Variants in ABCD3 observed in about 807,000 individuals in gnomAD.
ABCD3 encodes the protein ATP binding cassette subfamily D member 3.
ABCD3 carries 41 observed loss-of-function variants against 105.5 expected under a neutral mutation model. That is an observed-to-expected ratio of 0.39 (90% CI 0.30 to 0.50). The LOEUF is 0.50. Ranked by LOEUF, ABCD3 falls within the 20% of genes least tolerant of loss-of-function variation. The probability of loss-of-function intolerance (pLI) is 0.84; values close to 1 mark genes in which losing one functional copy is unlikely to be tolerated. For missense variants in ABCD3, 622 were observed against 806.3 expected, an observed-to-expected ratio of 0.77 and a Z score of 2.77; for synonymous variants, 258 against 269.0, an observed-to-expected ratio of 0.96 and a Z score of 0.40.
intron 8 of ABCD3, chr1:94,480,212 A>C: frequency 1.9e-6 from 1 of 521,764 alleles, no homozygotes; most frequent in Non-Finnish European, 3.4e-6. Context: ...TGCAATTAGG[A>C]GTTTTTAGGT....
chr1:94,515,061 G>A, intron 21 of ABCD3, 85 bp from the exon 22 acceptor site: 1 of 1,063,286 alleles, frequency 9.4e-7, no homozygotes. Context: ...ACTGAAGACT[G>A]TCCTCTTAAC....
intron 1 of ABCD3, among the ~76,000 whole-genome samples, chr1:94,438,837 A>T (rs925487521): frequency 6.6e-6 from 1 of 152,208 alleles, no homozygotes; most frequent in African/African-American, 2.4e-5. Flanking sequence ...TATAGTGTAA[A>T]CATAACTTCT....
chr1:94,479,234 A>C lies in ABCD3; in HGVS notation c.684+919A>C, dbSNP rs553778836. ...CTTGTATTTTGTTTTACTATAACCA[A>C]GTGAATAGGCCAAATCCTTCTTGTC... On this transcript the variant is annotated intron_variant, in intron 8 of 22. Coordinates refer to ENST00000370214, the MANE Select transcript of ABCD3 (RefSeq NM_002858.4). Among the ~76,000 whole-genome samples, 6 of 152,264 alleles carry C rather than the reference A, an allele frequency of 3.9e-5. No homozygotes were observed. In the South Asian group the frequency reaches 1.0e-3, roughly 26 times the overall value.
At chr1:94,451,790 C>T (rs1256231429) in intron 1 of ABCD3, among the ~76,000 whole-genome samples, 2 of 152,174 alleles carry the variant, frequency 1.3e-5, no homozygotes, top group East Asian at 3.8e-4. Context: ...CCTCCAGTCA[C>T]CCAGGGTGCA....
the ABCD3 span, among the ~76,000 whole-genome samples, chr1:94,401,992 C>T: frequency 6.6e-6 from 1 of 152,346 alleles, no homozygotes; most frequent in Non-Finnish European, 1.5e-5. Context: ...CATGCACCCA[C>T]TTTCTTTTAT....
intron 21 of ABCD3, among the ~76,000 whole-genome samples, chr1:94,508,752 C>T (rs11485389): frequency 0.017 from 2,628 of 152,120 alleles, 83 homozygotes; most frequent in African/African-American, 0.058. Context: ...CTCTTTGAAG[C>T]AATTGTGAAT....
At chr1:94,467,873 T>C in intron 3 of ABCD3, 46 bp from the exon 4 acceptor site, 1 of 1,402,166 alleles carries the variant, frequency 7.1e-7, no homozygotes, top group Non-Finnish European at 1.0e-6. Flanking sequence ...TTCTTTGAAC[T>C]TTCTAAAATG....
At chr1:94,401,914 A>G in the ABCD3 span, among the ~76,000 whole-genome samples, 1 of 152,248 alleles carries the variant, frequency 6.6e-6, no homozygotes, top group Non-Finnish European at 1.5e-5. Flanking sequence ...CAAAGAAAAT[A>G]TAGAACATTT....
At chr1:94,431,499 T>C (rs1659680757) in intron 1 of ABCD3, among the ~76,000 whole-genome samples, 1 of 152,234 alleles carries the variant, frequency 6.6e-6, no homozygotes, top group Admixed American at 6.5e-5. Context: ...CTTGACATTT[T>C]ATATGAAATT....
At chr1:94,503,774 G>A (rs569302242) in intron 20 of ABCD3, among the ~76,000 whole-genome samples, 3 of 151,064 alleles carry the variant, frequency 2.0e-5, no homozygotes, top group African/African-American at 7.3e-5. Context: ...GTACATGGTA[G>A]TGATTAAAAC....
In ABCD3 at chr1:94,463,306, T is replaced by C. The variant is rs186919415; in HGVS notation, c.148-1469T>C. ...ACACAGTGCCTTCAGACTTCCTTTT[T>C]TGGCCTACAGTTCTGCACTGCACTC... On this transcript the variant is annotated intron_variant, in intron 2 of 22. Coordinates refer to ENST00000370214, the MANE Select transcript of ABCD3 (RefSeq NM_002858.4). 1.8e-4 allele frequency among the ~76,000 whole-genome samples: 28 copies of C among 152,296 alleles called. No individual in the cohort carries two copies. The East Asian group carries it at 5.0e-3, about 27-fold the overall frequency.
At chr1:94,415,676 T>G (rs1399926606), upstream of ABCD3, among the ~76,000 whole-genome samples, 4 of 151,660 alleles carry the variant, frequency 2.6e-5, no homozygotes, top group Non-Finnish European at 5.9e-5. Context: ...AGACACAATA[T>G]TCTACATTAA....
chr1:94,404,653 A>C, the ABCD3 span, among the ~76,000 whole-genome samples: 2 of 151,926 alleles, frequency 1.3e-5, no homozygotes, highest in South Asian at 4.1e-4. Flanking sequence ...CTATTTCTGC[A>C]TCCCCTTGTA....
intron 4 of ABCD3, among the ~76,000 whole-genome samples, chr1:94,471,130 C>T (rs1011226482): frequency 7.9e-5 from 12 of 152,044 alleles, no homozygotes; most frequent in Non-Finnish European, 1.3e-4. Flanking sequence ...ATCATGTGCA[C>T]GTGTGTGTAG....
upstream of ABCD3, among the ~76,000 whole-genome samples, chr1:94,417,836 C>T (rs954097345): frequency 6.6e-6 from 1 of 151,338 alleles, no homozygotes; most frequent in Non-Finnish European, 1.5e-5. Context: ...GAGATTATAA[C>T]CCGCGGTTTG....
At chr1:94,471,717 A>G (rs1648468420) in intron 4 of ABCD3, among the ~76,000 whole-genome samples, 1 of 152,220 alleles carries the variant, frequency 6.6e-6, no homozygotes, top group Non-Finnish European at 1.5e-5. Flanking sequence ...AAGTTAACAT[A>G]TATCTCCATC....
chr1:94,506,175 G>A (rs915188883), intron 20 of ABCD3, among the ~76,000 whole-genome samples: 16 of 152,166 alleles, frequency 1.1e-4, no homozygotes, highest in Non-Finnish European at 1.8e-4. Flanking sequence ...ACCTTTTTGC[G>A]TCGGAGTCAT....
rs185630879 is a variant in ABCD3 at position 94,429,282 on chromosome 1, C to T, written c.110+10694C>T. 4.6e-5 allele frequency among the ~76,000 whole-genome samples: 7 copies of T among 152,232 alleles called. 2 individuals are homozygous for T. Among genetic ancestry groups the T allele is most frequent in the African/African-American group, 1.7e-4 (7 of 41,544 alleles). On this transcript the variant is annotated intron_variant, in intron 1 of 22. Coordinates refer to ENST00000370214, the MANE Select transcript of ABCD3 (RefSeq NM_002858.4). ...ATAAGGGAAGCAGAGCATATAAGTT[C>T]AGAAAATTTGCAGCCTGACAATACC...
At chr1:94,430,811 A>T (rs370654729) in intron 1 of ABCD3, among the ~76,000 whole-genome samples, 2 of 152,222 alleles carry the variant, frequency 1.3e-5, no homozygotes, top group African/African-American at 4.8e-5. Flanking sequence ...CATGTAAAAA[A>T]GCTGTTTTAA....
Sources: allele counts gnomAD v4.1 joint callset (sites outside exome capture counted in the v4.1 genomes callset), GRCh38; gene constraint gnomAD v4.1.1; transcripts MANE v1.5; gene names NCBI Gene and HGNC (gene_info 2026-07-23, HGNC 2026-07-21).